The following PTN variants were observed in gnomAD, a reference collection of about 807,000 sequenced individuals.
The protein encoded by PTN is pleiotrophin.
In PTN, 18 loss-of-function variants were observed where a neutral mutation model predicts 24.1. The ratio of observed to expected loss-of-function variants is 0.75; its 90% CI spans 0.52 to 1.11. PTN has a LOEUF of 1.11. Ranked by LOEUF, PTN falls within the 50% of genes least tolerant of loss-of-function variation. The pLI, the probability that PTN is intolerant of heterozygous loss-of-function variation, is 0.00. For missense variants in PTN, 163 were observed against 198.8 expected (o/e 0.82, Z 1.08); for synonymous variants, 78 against 68.6 (o/e 1.14, Z -0.67).
chr7:137,332,481 T>A (rs1810375678), intron 1 of PTN, among the ~76,000 whole-genome samples: 1 of 152,206 alleles, frequency 6.6e-6, no homozygotes, highest in Non-Finnish European at 1.5e-5. Flanking sequence ...AGATTCTGCA[T>A]ATTCCCAGAA....
chr7:137,243,667 C>T (rs984776434), intron 4 of PTN, among the ~76,000 whole-genome samples: 5 of 152,098 alleles, frequency 3.3e-5, no homozygotes, highest in African/African-American at 9.7e-5. Flanking sequence ...TAAGCAGACA[C>T]GCTTAAATGA....
chr7:137,258,587 G>A (rs767713439), intron 1 of PTN, among the ~76,000 whole-genome samples: 2 of 152,142 alleles, frequency 1.3e-5, no homozygotes, highest in African/African-American at 2.4e-5. Context: ...AAAGAAGAGA[G>A]TAAAGAGTTT....
chr7:137,240,227 A>C (rs775730282), intron 4 of PTN, among the ~76,000 whole-genome samples: 24 of 152,048 alleles, frequency 1.6e-4, no homozygotes, highest in Non-Finnish European at 3.1e-4. Context: ...CACCACCACC[A>C]CCAGTAGAAC....
At chr7:137,311,958 AAT>A (rs1809989401) in intron 1 of PTN, among the ~76,000 whole-genome samples, 2 of 151,424 alleles carry the variant, frequency 1.3e-5, no homozygotes, top group African/African-American at 2.5e-5. Context: ...CCATCTGTAA[AAT>A]ATGCAATCTC....
intron 1 of PTN, among the ~76,000 whole-genome samples, chr7:137,267,636 T>C (rs1425487072): frequency 6.6e-6 from 1 of 152,120 alleles, no homozygotes; most frequent in African/African-American, 2.4e-5. Flanking sequence ...TTTTTCAACA[T>C]AGTTCCTAGT....
chr7:137,313,592 C>T (rs1810019678), intron 1 of PTN, among the ~76,000 whole-genome samples: 1 of 152,122 alleles, frequency 6.6e-6, no homozygotes, highest in South Asian at 2.1e-4. Flanking sequence ...TTGTTTGCAA[C>T]TTTAAAAAAT....
At chr7:137,316,831 G>A (rs1297090206) in intron 1 of PTN, among the ~76,000 whole-genome samples, 1 of 152,162 alleles carries the variant, frequency 6.6e-6, no homozygotes, top group Non-Finnish European at 1.5e-5. Flanking sequence ...CTGCACTCAT[G>A]AGGTAACCCA....
intron 1 of PTN, among the ~76,000 whole-genome samples, chr7:137,336,567 T>A (rs1332525276): frequency 6.6e-6 from 1 of 152,176 alleles, no homozygotes; most frequent in Non-Finnish European, 1.5e-5. Flanking sequence ...ACATGCTCCG[T>A]ATGTTTTCTT....
intron 4 of PTN, among the ~76,000 whole-genome samples, chr7:137,232,376 T>C (rs1402470131): frequency 6.6e-6 from 1 of 151,936 alleles, no homozygotes; most frequent in Non-Finnish European, 1.5e-5. Context: ...AGTTTTTGAG[T>C]TGATAGAGGC....
intron 1 of PTN, among the ~76,000 whole-genome samples, chr7:137,278,995 G>A (rs867914917): frequency 1.5e-4 from 19 of 130,874 alleles, no homozygotes; most frequent in Non-Finnish European, 2.5e-4. Context: ...ATAAAGAAAC[G>A]GACCAATCCA....
intron 1 of PTN, chr7:137,325,720 T>A (rs983323914): frequency 1.3e-5 from 2 of 152,232 alleles, no homozygotes; most frequent in Non-Finnish European, 2.9e-5. Flanking sequence ...AATGACTCCA[T>A]GTATGATTGG....
chr7:137,231,713 T>C lies in PTN; in HGVS notation c.452-3638A>G, dbSNP rs182519554. Among the ~76,000 whole-genome samples, 1,254 of 152,070 alleles carry C rather than the reference T, an allele frequency of 8.2e-3. 5 individuals are homozygous for C. The highest frequency in any genetic ancestry group is 0.014 in the Non-Finnish European group (920 of 67,926). On this transcript the variant is annotated intron_variant, in intron 4 of 4. Transcript: ENST00000348225. ...ATTACTATATAGAAAAGAGTATTTCTCAAGGAAAGTAAGGAGTGTAAATCC... is the reference window on the plus strand; with the variant it reads ...ATTACTATATAGAAAAGAGTATTTCCCAAGGAAAGTAAGGAGTGTAAATCC...
intron 1 of PTN, among the ~76,000 whole-genome samples, chr7:137,290,197 T>C (rs895736370): frequency 6.6e-6 from 1 of 152,146 alleles, no homozygotes; most frequent in African/African-American, 2.4e-5. Flanking sequence ...GAGAACAGCA[T>C]GGGAAAGACC....
chr7:137,293,243 G>C (rs1809668482), intron 1 of PTN, among the ~76,000 whole-genome samples: 1 of 152,096 alleles, frequency 6.6e-6, no homozygotes, highest in African/African-American at 2.4e-5. Flanking sequence ...AGATGAAAGA[G>C]AAAAGGTAGA....
At chr7:137,332,937 A>C (rs1276688606) in intron 1 of PTN, among the ~76,000 whole-genome samples, 4 of 152,156 alleles carry the variant, frequency 2.6e-5, no homozygotes, top group Non-Finnish European at 5.9e-5. Flanking sequence ...CACTGTTCTA[A>C]AGTTTTACAT....
At chr7:137,232,917 CT>C (rs1808452948) in intron 4 of PTN, among the ~76,000 whole-genome samples, 1 of 152,066 alleles carries the variant, frequency 6.6e-6, no homozygotes, top group South Asian at 2.1e-4. Context: ...GAAGAGGTGC[CT>C]TCCGCCATGA....
chr7:137,277,944 T>C (rs1157897133), intron 1 of PTN, among the ~76,000 whole-genome samples: 1 of 151,632 alleles, frequency 6.6e-6, no homozygotes, highest in Non-Finnish European at 1.5e-5. Context: ...GATAGATAGA[T>C]AGATAGATAG....
chr7:137,248,836 T>C (rs984390582), intron 4 of PTN, among the ~76,000 whole-genome samples: 2 of 152,232 alleles, frequency 1.3e-5, no homozygotes, highest in African/African-American at 4.8e-5. Context: ...GTAAATTGCA[T>C]AACTGGTAGT....
intron 1 of PTN, among the ~76,000 whole-genome samples, chr7:137,295,900 C>A (rs1167575969): frequency 6.6e-6 from 1 of 151,948 alleles, no homozygotes; most frequent in Admixed American, 6.6e-5. Context: ...GCTGCCTCAG[C>A]CCCTGCTCCC....
Sources: gnomAD v4.1 joint callset for allele counts (sites outside exome capture counted in the v4.1 genomes callset) on GRCh38, gnomAD v4.1.1 for gene constraint, MANE v1.5 for transcripts, NCBI Gene and HGNC (gene_info 2026-07-23, HGNC 2026-07-21) for gene names.